Variants in AR observed in about 807,000 individuals in gnomAD.
AR encodes the protein androgen receptor, also known as dihydrotestosterone receptor.
AR carries 8 observed loss-of-function variants against 53.9 expected under a neutral mutation model. The observed-to-expected ratio is 0.15, with a 90% CI of 0.09 to 0.27. The LOEUF is 0.27. AR is among the 10% of genes least tolerant of loss of function. The pLI, the probability that AR is intolerant of heterozygous loss-of-function variation, is 1.00. For missense variants in AR, 639 were observed against 742.5 expected, an observed-to-expected ratio of 0.86 and a Z score of 1.62; for synonymous variants, 359 against 316.4, an observed-to-expected ratio of 1.13 and a Z score of -1.43.
At chrX:67,573,202 A>G (rs1235114810) in intron 1 of AR, among the ~76,000 whole-genome samples, 8 of 111,866 alleles carry the variant, frequency 7.2e-5, no homozygotes, top group Non-Finnish European at 1.5e-4. Flanking sequence ...TGAAAGCTCT[A>G]CACTTTTAGA....
chrX:67,708,469 C>G (rs189265924), intron 3 of AR, among the ~76,000 whole-genome samples: 26 of 111,815 alleles, frequency 2.3e-4, no homozygotes, highest in African/African-American at 8.1e-4. Flanking sequence ...TCATATAGTT[C>G]TCGTGCCATG....
At chrX:67,640,638 G>A (rs1010956888) in intron 1 of AR, among the ~76,000 whole-genome samples, 4 of 111,308 alleles carry the variant, frequency 3.6e-5, no homozygotes, top group Non-Finnish European at 7.5e-5. Flanking sequence ...ATGGTAATTT[G>A]TATTTCTGTG....
At chrX:67,562,578 G>A (rs1921379414) in intron 1 of AR, among the ~76,000 whole-genome samples, 1 of 111,440 alleles carries the variant, frequency 9.0e-6, no homozygotes, top group Non-Finnish European at 1.9e-5. Flanking sequence ...AGGCAGCACT[G>A]ATCCGCTTTA....
chrX:67,664,534 G>A (rs764887465), intron 2 of AR, among the ~76,000 whole-genome samples: 5 of 112,003 alleles, frequency 4.5e-5, no homozygotes, highest in African/African-American at 1.6e-4. Context: ...CTACTTGGGG[G>A]TGCCTCCCAG....
At chrX:67,670,174 TTA>T (rs772619151) in intron 2 of AR, among the ~76,000 whole-genome samples, 37 of 89,118 alleles carry the variant, frequency 4.2e-4, no homozygotes, top group African/African-American at 1.4e-3. Context: ...TATATATGCT[TTA>T]TATATATAGT....
chrX:67,684,509 C>T (rs2147495240), intron 2 of AR, among the ~76,000 whole-genome samples: 1 of 110,896 alleles, frequency 9.0e-6, no homozygotes, highest in East Asian at 2.8e-4. Context: ...CCCTGGAACT[C>T]CTCCTTGGAA....
intron 4 of AR, among the ~76,000 whole-genome samples, chrX:67,716,040 G>T (rs940807740): frequency 2.7e-5 from 3 of 111,772 alleles, no homozygotes; most frequent in African/African-American, 9.8e-5. Flanking sequence ...GAGCTTAAGG[G>T]AGGTAATTTG....
Position 67,726,714 on chromosome X carries a change from C to T in AR, c.*2873C>T, listed in dbSNP as rs967826200. The T allele has an allele frequency of 3.0e-4, 52 of 174,373 alleles. 1 individual carries two copies. Among genetic ancestry groups the T allele is most frequent in the African/African-American group, 1.4e-3 (49 of 34,077 alleles). 14.4% of individuals were successfully genotyped at this position (174,373 alleles called of 1,213,427 possible). On this transcript the variant is annotated 3_prime_UTR_variant, in exon 8 of 8. Coordinates refer to ENST00000374690, the MANE Select transcript of AR (RefSeq NM_000044.6). ...AAGGAGATTTTAGCTTGGCTCTGTT[C>T]TCCCATGGATGAAAGGAGGAGGATT...
intron 2 of AR, among the ~76,000 whole-genome samples, chrX:67,659,222 C>CT (rs200002193): frequency 1.1e-4 from 12 of 106,244 alleles, no homozygotes; most frequent in African/African-American, 1.4e-4. Context: ...ATTTCTCTTA[C>CT]TTTTTTTTTT....
chrX:67,614,416 G>C (rs777664489), intron 1 of AR, among the ~76,000 whole-genome samples: 2 of 111,389 alleles, frequency 1.8e-5, no homozygotes, highest in Admixed American at 9.6e-5. Context: ...TTTAATAAGT[G>C]GTTTATGTAA....
chrX:67,666,832 A>G lies in AR; in HGVS notation c.1769-19178A>G, dbSNP rs1049544015. 9.9e-5 allele frequency among the ~76,000 whole-genome samples: 11 copies of G among 111,668 alleles called. No homozygotes were observed. In the Admixed American group the frequency reaches 1.0e-3, roughly 11 times the overall value. ...TCAGTGAGGTTGAGGACCTTGTCATATATCTGTTTGTCATTTGTATGTTTT... is the reference window on the plus strand; with the variant it reads ...TCAGTGAGGTTGAGGACCTTGTCATGTATCTGTTTGTCATTTGTATGTTTT... On this transcript the variant is annotated intron_variant, in intron 2 of 7. Coordinates refer to ENST00000374690, the MANE Select transcript of AR (RefSeq NM_000044.6).
At chrX:67,582,279 T>C (rs1456914186) in intron 1 of AR, among the ~76,000 whole-genome samples, 1 of 111,929 alleles carries the variant, frequency 8.9e-6, no homozygotes, top group Non-Finnish European at 1.9e-5. Flanking sequence ...TTTCTCATCT[T>C]TGTCTTTGCC....
intron 5 of AR, among the ~76,000 whole-genome samples, chrX:67,719,197 G>A (rs2076125861): frequency 9.0e-6 from 1 of 111,721 alleles, no homozygotes; most frequent in Non-Finnish European, 1.9e-5. Flanking sequence ...CTAGGCTTTT[G>A]GCACAAACTG....
chrX:67,569,762 T>A, intron 1 of AR, among the ~76,000 whole-genome samples: 1 of 111,470 alleles, frequency 9.0e-6, no homozygotes, highest in Non-Finnish European at 1.9e-5. Context: ...GATTTCTATG[T>A]CTGTTTTCAT....
intron 1 of AR, among the ~76,000 whole-genome samples, chrX:67,596,585 C>T (rs1419904469): frequency 8.9e-6 from 1 of 112,036 alleles, no homozygotes; most frequent in African/African-American, 3.2e-5. Context: ...ATTCTGCCTT[C>T]CTCAGTGTGT....
At chrX:67,587,730 C>T (rs1408632695) in intron 1 of AR, among the ~76,000 whole-genome samples, 1 of 110,791 alleles carries the variant, frequency 9.0e-6, no homozygotes, top group Non-Finnish European at 1.9e-5. Flanking sequence ...ATAGTGTGAC[C>T]CTGGCAAATG....
chrX:67,636,072 A>G (rs1315760680), intron 1 of AR, among the ~76,000 whole-genome samples: 1 of 111,782 alleles, frequency 8.9e-6, no homozygotes, highest in African/African-American at 3.2e-5. Flanking sequence ...AGCCCAGATT[A>G]AAGAATCAAC....
At chrX:67,575,953 C>A (rs1187075062) in intron 1 of AR, among the ~76,000 whole-genome samples, 1 of 110,538 alleles carries the variant, frequency 9.0e-6, no homozygotes, top group Admixed American at 9.6e-5. Flanking sequence ...ACAAATGAGG[C>A]AAAGGAAGAG....
intron 1 of AR, among the ~76,000 whole-genome samples, chrX:67,635,260 C>G (rs1021713493): frequency 9.0e-6 from 1 of 111,108 alleles, no homozygotes; most frequent in South Asian, 3.8e-4. Context: ...TCACAAAAGC[C>G]GTCTAGAGTT....
Sources: allele counts gnomAD v4.1 joint callset (sites outside exome capture counted in the v4.1 genomes callset), GRCh38; gene constraint gnomAD v4.1.1; transcripts MANE v1.5; gene names NCBI Gene and HGNC (gene_info 2026-07-23, HGNC 2026-07-21).